Variants in NCKAP1L observed in about 807,000 individuals in gnomAD.
The protein encoded by NCKAP1L is nck-associated protein 1-like.
NCKAP1L carries 53 observed loss-of-function variants against 139.2 expected under a neutral mutation model. That is an observed-to-expected ratio of 0.38 (90% CI 0.31 to 0.48). The LOEUF is 0.48. NCKAP1L is among the 20% of genes least tolerant of loss of function. NCKAP1L has a pLI of 0.98. For synonymous variants in NCKAP1L, 468 were observed against 499.7 expected (o/e 0.94, Z 0.85); for missense variants, 1,151 against 1,381.9 (o/e 0.83, Z 2.65).
chr12:54,537,794 A>G (rs1957124066), intron 29 of NCKAP1L, among the ~76,000 whole-genome samples: 1 of 152,204 alleles, frequency 6.6e-6, no homozygotes, highest in Admixed American at 6.5e-5. Context: ...CCAATGGTCT[A>G]GATTTCTAGG....
intron 13 of NCKAP1L, among the ~76,000 whole-genome samples, chr12:54,518,198 CG>C (rs1230342101): frequency 6.6e-6 from 1 of 151,952 alleles, no homozygotes; most frequent in East Asian, 1.9e-4. Context: ...AAAAATTAGC[CG>C]GGCATGGTGG....
intron 12 of NCKAP1L, 31 bp downstream of exon 12, chr12:54,517,673 C>T (rs1273431525): frequency 3.2e-6 from 5 of 1,581,706 alleles, no homozygotes; most frequent in Non-Finnish European, 4.3e-6. Flanking sequence ...AGAACCTTGT[C>T]CTTAGATGGA....
chr12:54,522,860 G>C (rs1261972544), intron 18 of NCKAP1L, among the ~76,000 whole-genome samples: 1 of 152,060 alleles, frequency 6.6e-6, no homozygotes, highest in Non-Finnish European at 1.5e-5. Context: ...AAGCTAATTA[G>C]CAAGAAATAT....
At chr12:54,506,065 A>T (rs1231568124) in intron 3 of NCKAP1L, among the ~76,000 whole-genome samples, 1 of 152,194 alleles carries the variant, frequency 6.6e-6, no homozygotes, top group Admixed American at 6.5e-5. Context: ...TTAGGCCATT[A>T]TGCGTAAGTT....
chr12:54,501,197 G>A (rs1404391615), intron 3 of NCKAP1L, among the ~76,000 whole-genome samples: 2 of 152,100 alleles, frequency 1.3e-5, no homozygotes, highest in Non-Finnish European at 2.9e-5. Context: ...TATATAAGTA[G>A]AATCATAAAG....
At chr12:54,510,758 G>C (rs1956881826) in intron 7 of NCKAP1L, among the ~76,000 whole-genome samples, 2 of 151,268 alleles carry the variant, frequency 1.3e-5, no homozygotes, top group Non-Finnish European at 2.9e-5. Flanking sequence ...CTGACCTCAA[G>C]TGATCTGTGT....
intron 13 of NCKAP1L, among the ~76,000 whole-genome samples, chr12:54,518,441 A>G (rs1399027907): frequency 6.6e-6 from 1 of 152,230 alleles, no homozygotes; most frequent in East Asian, 1.9e-4. Context: ...GTGAAATTAC[A>G]TAGAAATAGG....
intron 25 of NCKAP1L, 151 bp downstream of exon 25, chr12:54,531,976 C>A: frequency 1.3e-6 from 1 of 789,956 alleles, no homozygotes; most frequent in Non-Finnish European, 2.0e-6. Context: ...AGTAATTTGG[C>A]AGAGATCCTA....
At chr12:54,517,967 A>G in intron 13 of NCKAP1L, 29 bp downstream of exon 13, 1 of 1,612,210 alleles carries the variant, frequency 6.2e-7, no homozygotes, top group Non-Finnish European at 8.5e-7. Flanking sequence ...TATACTTTGG[A>G]AATTTCAGGA....
In NCKAP1L at chr12:54,516,314, A is replaced by G. The variant is rs1956930984; in HGVS notation, c.998+19A>G. 1 of 1,609,298 alleles carries G rather than the reference A, an allele frequency of 6.2e-7. No homozygotes were observed. Among genetic ancestry groups the G allele is most frequent in the African/African-American group, 1.3e-5 (1 of 74,700 alleles). ...CAAACAGGTAAAGGGTGGTGAATGC[A>G]CTCTCTGAGAGGGGATGGAATAGGA... On this transcript the variant is annotated intron_variant, in intron 10 of 30. Transcript: ENST00000293373.
rs974977560 is a variant in NCKAP1L, at chr12:54,543,337, T to G, written c.*652T>G. The G allele has an allele frequency of 5.9e-5, 9 of 152,256 alleles. No individual in the cohort carries two copies. Among genetic ancestry groups the G allele is most frequent in the African/African-American group, 2.2e-4 (9 of 41,444 alleles). 9.4% of individuals were successfully genotyped at this position (152,256 alleles called of 1,614,324 possible). A position where few individuals can be genotyped will look rare whatever the true frequency, so the allele number is the denominator to read the frequency against. ...AGGAGGAAGTGCCCTTCAGAGATGT[T>G]CACTGCCCACCTACTCTACTACATT... On this transcript the variant is annotated 3_prime_UTR_variant, in exon 31 of 31. Coordinates refer to ENST00000293373, the MANE Select transcript of NCKAP1L (RefSeq NM_005337.5).
In NCKAP1L at chr12:54,531,582, C is replaced by T. The variant is rs1351950510; in HGVS notation, c.2696C>T (p.Thr899Ile). ...ATGGCTTCCCTGCTGCCCCAGCTGACAGGTAAGCATCCTCTTCCCCTATAG... is the reference window on the plus strand; with the variant it reads ...ATGGCTTCCCTGCTGCCCCAGCTGATAGGTAAGCATCCTCTTCCCCTATAG... The part of the protein sequence containing the change: ...DLMASLLPQL[T>I]GAENVLKRMT... Residue 899 changes from threonine (T) to isoleucine (I), a missense_variant and splice_region_variant, in exon 24 of 31, where the codon ACA becomes ATA. By Grantham distance (89) the Thr-to-Ile change is moderately conservative. Coordinates refer to ENST00000293373, the MANE Select transcript of NCKAP1L (RefSeq NM_005337.5). 1.2e-6 allele frequency: 2 copies of T among 1,614,070 alleles called. No individual in the cohort carries two copies. The highest frequency in any genetic ancestry group is 1.7e-6 in the Non-Finnish European group (2 of 1,179,952).
intron 27 of NCKAP1L, among the ~76,000 whole-genome samples, chr12:54,535,777 C>T (rs2120969912): frequency 6.6e-6 from 1 of 152,354 alleles, no homozygotes; most frequent in Non-Finnish European, 1.5e-5. Flanking sequence ...TACCCTTCTT[C>T]TTCTCTCATG....
Position 54,518,945 on chromosome 12 carries a change from A to T in NCKAP1L, c.1452A>T (p.Gly484=). The change falls in exon 15 of 31, where the codon GGA becomes GGT. Residue 484 remains glycine, a synonymous_variant. Coordinates refer to ENST00000293373, the MANE Select transcript of NCKAP1L (RefSeq NM_005337.5). The part of the protein sequence containing the change: ...VDNGEKFEFS[G]LRLDWFRLQA... ...ATGGAGAAAAATTTGAATTCTCAGG[A>T]TTGAGGCTGGACTGGTTCCGCCTAC... The T allele has an allele frequency of 6.2e-7, 1 of 1,614,084 alleles. No individual in the cohort carries two copies. Among genetic ancestry groups the T allele is most frequent in the Non-Finnish European group, 8.5e-7 (1 of 1,179,986 alleles).
At chr12:54,535,275 A>T in intron 27 of NCKAP1L, 78 bp downstream of exon 27, 2 of 1,084,734 alleles carry the variant, frequency 1.8e-6, no homozygotes, top group South Asian at 1.3e-5. Context: ...GTCAATGTCA[A>T]AGAAGCCTTT....
chr12:54,519,811 G>A (rs1027564568), intron 16 of NCKAP1L, among the ~76,000 whole-genome samples: 1 of 150,638 alleles, frequency 6.6e-6, no homozygotes, highest in African/African-American at 2.4e-5. Context: ...CATAGTCTTC[G>A]CTTCTCTGGG....
intron 22 of NCKAP1L, among the ~76,000 whole-genome samples, chr12:54,530,277 G>C (rs1414553138): frequency 6.6e-6 from 1 of 152,208 alleles, no homozygotes; most frequent in Non-Finnish European, 1.5e-5. Flanking sequence ...TTCCCTGCTG[G>C]GATGGCCCAC....
chr12:54,515,021 T>G (rs1399663154), intron 9 of NCKAP1L, among the ~76,000 whole-genome samples: 1 of 152,220 alleles, frequency 6.6e-6, no homozygotes, highest in Non-Finnish European at 1.5e-5. Context: ...TAATTTATCT[T>G]CATGAAAATT....
chr12:54,525,140 A>G (rs1464966536), intron 20 of NCKAP1L, among the ~76,000 whole-genome samples: 1 of 152,212 alleles, frequency 6.6e-6, no homozygotes, highest in Non-Finnish European at 1.5e-5. Context: ...GTATGCGCTT[A>G]TATGTCATTG....
Sources: allele counts gnomAD v4.1 joint callset (sites outside exome capture counted in the v4.1 genomes callset), GRCh38; gene constraint gnomAD v4.1.1; transcripts MANE v1.5; gene names NCBI Gene and HGNC (gene_info 2026-07-23, HGNC 2026-07-21).